Variants in XPO7 observed in about 807,000 individuals in gnomAD.
XPO7 encodes exportin-7.
Under a neutral mutation model 144.3 loss-of-function variants are expected in XPO7, and 21 were observed. That is an observed-to-expected ratio of 0.15 (90% CI 0.10 to 0.21). The LOEUF is 0.21. Ranked by LOEUF, XPO7 falls within the 10% of genes least tolerant of loss-of-function variation. XPO7 has a pLI of 1.00. For missense variants in XPO7, 808 were observed against 1,325.8 expected (o/e 0.61, Z 6.06); for synonymous variants, 580 against 499.6 (o/e 1.16, Z -2.15).
At chr8:21,940,372 A>G (rs1441313039) in intron 1 of XPO7, among the ~76,000 whole-genome samples, 1 of 152,234 alleles carries the variant, frequency 6.6e-6, no homozygotes, top group Non-Finnish European at 1.5e-5. Context: ...TGATAGAATT[A>G]AAGTATCACC....
intron 20 of XPO7, 125 bp downstream of exon 20, chr8:21,994,576 C>T: frequency 1.2e-6 from 1 of 850,792 alleles, no homozygotes; most frequent in Non-Finnish European, 1.8e-6. Context: ...AAGAGTTAGC[C>T]AGAAGGCCTG....
intron 7 of XPO7, 39 bp from the exon 8 acceptor site, chr8:21,977,731 A>C: frequency 6.3e-7 from 1 of 1,599,572 alleles, no homozygotes; most frequent in Non-Finnish European, 8.6e-7. Context: ...CAATGTTCAT[A>C]CTTAATAAAG....
intron 1 of XPO7, among the ~76,000 whole-genome samples, chr8:21,920,428 C>A (rs1229816439): frequency 2.0e-5 from 3 of 152,104 alleles, no homozygotes; most frequent in African/African-American, 4.8e-5. Context: ...CGCCTCCCCT[C>A]GCGTCCCCCT....
Position 21,983,624 on chromosome 8 carries a change from C to T in XPO7, c.1277+812C>T, listed in dbSNP as rs547746380. Among the ~76,000 whole-genome samples the T allele has an allele frequency of 1.8e-4, 28 of 152,250 alleles. No individual in the cohort carries two copies. In the South Asian group the frequency reaches 3.1e-3, roughly 17 times the overall value. On this transcript the variant is annotated intron_variant, in intron 11 of 27. Transcript: ENST00000252512. ...TCCATAGCTTCCACTCCTGAGGATT[C>T]GGCTGGCTTCAGTGAGGCATTGTTG...
intron 1 of XPO7, among the ~76,000 whole-genome samples, chr8:21,938,256 A>G (rs1257297027): frequency 1.3e-5 from 2 of 152,210 alleles, no homozygotes; most frequent in Admixed American, 6.5e-5. Flanking sequence ...CTGGTATACC[A>G]TACTTTCTTT....
Position 21,976,455 on chromosome 8 carries a change from G to A in XPO7, c.697G>A (p.Gly233Ser), listed in dbSNP as rs1413382717. 1.2e-6 allele frequency: 2 copies of A among 1,613,846 alleles called. No individual in the cohort carries two copies. Among genetic ancestry groups the A allele is most frequent in the Non-Finnish European group, 1.7e-6 (2 of 1,179,846 alleles). Residue 233 changes from glycine (G) to serine (S), a missense_variant, in exon 7 of 28, where the codon GGC (glycine) becomes AGC (serine). Physicochemically the swap from Gly to Ser is moderately conservative, Grantham distance 56 (BLOSUM62 0). Coordinates refer to ENST00000252512, the MANE Select transcript of XPO7 (RefSeq NM_015024.5). ...TAACTGCCTCAACTTTGACTTCATCGGCACTTCCACTGATGAGTCCTCAGA... is the reference window on the plus strand; with the variant it reads ...TAACTGCCTCAACTTTGACTTCATCAGCACTTCCACTGATGAGTCCTCAGA... ...THNCLNFDFI[G>S]TSTDESSDDL...
rs183442635 is a variant in XPO7 at position 21,938,967 on chromosome 8, C to A, written c.18+19179C>A. On this transcript the variant is annotated intron_variant, in intron 1 of 27. Transcript: ENST00000252512. The stretch of plus-strand genomic sequence containing the variant: ...AATTGCCCTTCTGTCTGAAAATTAT[C>A]TTTTTGGGAAAGTCTTATTCATATC... 1.0e-3 allele frequency among the ~76,000 whole-genome samples: 159 copies of A among 152,148 alleles called. 3 individuals are homozygous for A. Among genetic ancestry groups the A allele is most frequent in the Non-Finnish European group, 6.5e-4 (44 of 67,976 alleles).
Position 21,966,854 on chromosome 8 carries a change from C to T in XPO7, c.19-3C>T. The T allele has an allele frequency of 6.2e-7, 1 of 1,609,054 alleles. No individual in the cohort carries two copies. The highest frequency in any genetic ancestry group is 8.5e-7 in the Non-Finnish European group (1 of 1,176,866). ...GTTTTCTTTCCTGACTGATCTTTTC[C>T]AGAGCCTGGCCCAACTAGAGAATCT... On this transcript the variant is annotated splice_region_variant and splice_polypyrimidine_tract_variant and intron_variant, in intron 1 of 27. Transcript: ENST00000252512.
intron 1 of XPO7, among the ~76,000 whole-genome samples, chr8:21,928,000 A>C (rs765039611): frequency 2.0e-5 from 3 of 152,248 alleles, no homozygotes; most frequent in Admixed American, 6.5e-5. Context: ...TTCGTACAGT[A>C]AACTGCATCC....
chr8:21,976,519 C>G lies in XPO7; in HGVS notation c.761C>G (p.Ser254Ter). The change falls in exon 7 of 28, where the codon TCA (serine) becomes TGA (stop). Residue 254 changes from serine (S) to a stop codon, truncating the protein, a stop_gained and splice_region_variant. Coordinates refer to ENST00000252512, the MANE Select transcript of XPO7 (RefSeq NM_015024.5). LOFTEE classifies it high-confidence loss of function. ...GTGCAGATTCCCACCAGCTGGAGAT[C>G]AGGTAACAGAACTTCCTCCACCTCA... The part of the protein sequence containing the change: ...CTVQIPTSWR[S>*]AFLDSSTLQL... The G allele has an allele frequency of 6.2e-7, 1 of 1,610,234 alleles. No homozygotes were observed. The highest frequency in any genetic ancestry group is 8.5e-7 in the Non-Finnish European group (1 of 1,177,844).
chr8:22,005,434 A>T lies in XPO7; in HGVS notation c.*346A>T, dbSNP rs531629632. The T allele has an allele frequency of 9.1e-5, 16 of 175,246 alleles. No homozygotes were observed. The East Asian group carries it at 2.0e-3, about 22-fold the overall frequency. The allele number at this position is 175,246 out of a possible 1,614,324, so 10.9% of individuals were successfully genotyped here. ...GTATAAACATGTACATTTTTTCATA[A>T]CATTTTGAACAAGGTTTATATTGAC... On this transcript the variant is annotated 3_prime_UTR_variant, in exon 28 of 28. Coordinates refer to ENST00000252512, the MANE Select transcript of XPO7 (RefSeq NM_015024.5).
chr8:21,932,603 A>G (rs774605194), intron 1 of XPO7, among the ~76,000 whole-genome samples: 2 of 152,096 alleles, frequency 1.3e-5, no homozygotes, highest in Admixed American at 1.3e-4. Context: ...GCGAAAAGGG[A>G]TAAGGAGGGC....
intron 1 of XPO7, among the ~76,000 whole-genome samples, chr8:21,961,449 C>G (rs534975507): frequency 4.1e-4 from 63 of 152,160 alleles, no homozygotes; most frequent in African/African-American, 1.5e-3. Flanking sequence ...CTCCTGGGCT[C>G]AAGCAGTCCT....
intron 16 of XPO7, 132 bp downstream of exon 16, chr8:21,989,215 GT>G: frequency 1.1e-6 from 1 of 888,594 alleles, no homozygotes. Context: ...TTTCCTAGGA[GT>G]CCAAAAAAAC....
At chr8:21,939,514 C>T (rs1810925082) in intron 1 of XPO7, among the ~76,000 whole-genome samples, 1 of 152,204 alleles carries the variant, frequency 6.6e-6, no homozygotes, top group East Asian at 1.9e-4. Flanking sequence ...AGCCACCGCC[C>T]CAGGTCTGTT....
intron 1 of XPO7, among the ~76,000 whole-genome samples, chr8:21,957,914 T>G (rs66824050): frequency 0.36 from 55,292 of 151,778 alleles, 10,540 homozygotes; most frequent in East Asian, 0.44. Flanking sequence ...TCTTGCAGTT[T>G]TGTGCTTTTT....
chr8:21,974,800 T>C (rs1210854710), intron 6 of XPO7, 26 bp downstream of exon 6: 3 of 1,514,676 alleles, frequency 2.0e-6, no homozygotes, highest in South Asian at 2.5e-5. Context: ...GGGTCATATT[T>C]CCCAGTTTCT....
At chr8:21,959,417 A>G (rs1811646562) in intron 1 of XPO7, among the ~76,000 whole-genome samples, 1 of 152,214 alleles carries the variant, frequency 6.6e-6, no homozygotes, top group Non-Finnish European at 1.5e-5. Flanking sequence ...AAGGGAAAAT[A>G]TTTGAATGAT....
intron 10 of XPO7, 55 bp from the exon 11 acceptor site, chr8:21,982,585 G>A (rs2117360605): frequency 1.3e-6 from 2 of 1,510,758 alleles, no homozygotes; most frequent in Non-Finnish European, 1.8e-6. Flanking sequence ...AGTGGCATGG[G>A]ACTAACACGT....
Sources: allele counts gnomAD v4.1 joint callset (sites outside exome capture counted in the v4.1 genomes callset), GRCh38; gene constraint gnomAD v4.1.1; transcripts MANE v1.5; gene names NCBI Gene and HGNC (gene_info 2026-07-23, HGNC 2026-07-21).